BOP1: variants seen among roughly 807,000 people sequenced by gnomAD.
BOP1 encodes the protein BOP1 ribosomal biogenesis factor, also known as ribosome biogenesis protein BOP1.
BOP1 carries 54 observed loss-of-function variants against 82.9 expected under a neutral mutation model. The ratio of observed to expected loss-of-function variants is 0.65; its 90% CI spans 0.52 to 0.82. The LOEUF (loss-of-function observed/expected upper bound fraction) is 0.82, where lower values mean the gene tolerates loss of function less well. Ranked by LOEUF, BOP1 falls within the 40% of genes least tolerant of loss-of-function variation. The probability of loss-of-function intolerance (pLI) is 0.00; values close to 1 mark genes in which losing one functional copy is unlikely to be tolerated. For missense variants in BOP1, 1,170 were observed against 1,072.0 expected (o/e 1.09, Z -1.28); for synonymous variants, 566 against 451.1 (o/e 1.25, Z -3.23).
intron 3 of BOP1, 129 bp from the exon 4 acceptor site, chr8:144,265,200 T>C: frequency 2.7e-6 from 3 of 1,092,946 alleles, no homozygotes; most frequent in Non-Finnish European, 4.0e-6. Context: ...CTGAGGTCAC[T>C]GGCCCTGACC....
At chr8:144,269,462 CCCT>C (rs1252291301) in intron 3 of BOP1, among the ~76,000 whole-genome samples, 2 of 152,220 alleles carry the variant, frequency 1.3e-5, no homozygotes, top group Non-Finnish European at 2.9e-5. Context: ...CCAGGACTGC[CCCT>C]CCTCTGCAAA....
chr8:144,267,930 C>T (rs1845416766), intron 3 of BOP1, among the ~76,000 whole-genome samples: 2 of 152,338 alleles, frequency 1.3e-5, no homozygotes, highest in African/African-American at 2.4e-5. Flanking sequence ...TTTACAATTT[C>T]GGCTGTGCAG....
Position 144,269,343 on chromosome 8 carries a change from G to A in BOP1, c.391-4272C>T, listed in dbSNP as rs1271266190. Among the ~76,000 whole-genome samples the A allele has an allele frequency of 1.1e-4, 17 of 152,354 alleles. 1 individual carries two copies. In the South Asian group the frequency reaches 1.9e-3, roughly 17 times the overall value. On this transcript the variant is annotated intron_variant, in intron 3 of 15. Transcript: ENST00000569669. Reference sequence around the variant, plus strand: ...GACAATGGCTGATGGTGCCAGGTGCGGGCGTCAGGGCGGCGGCCGGCCCCA... The same window carrying A: ...GACAATGGCTGATGGTGCCAGGTGCAGGCGTCAGGGCGGCGGCCGGCCCCA...
chr8:144,277,789 AGGGCAGGGGCGGTGC>A (rs1416170378), intron 2 of BOP1, among the ~76,000 whole-genome samples: 2,978 of 57,114 alleles, frequency 0.052, 88 homozygotes, highest in African/African-American at 0.087. Flanking sequence ...CAGCGCCCGA[AGGGCAGGGGCGGTGC>A]GGGCAGGGGC....
intron 3 of BOP1, chr8:144,267,054 C>T (rs1845387773): frequency 6.7e-7 from 1 of 1,484,418 alleles, no homozygotes; most frequent in South Asian, 1.3e-5. Context: ...ACTCCGGGCC[C>T]GCCTTCTTCC....
At chr8:144,271,679 C>T (rs1845495559) in intron 3 of BOP1, among the ~76,000 whole-genome samples, 1 of 151,938 alleles carries the variant, frequency 6.6e-6, no homozygotes, top group Non-Finnish European at 1.5e-5. Flanking sequence ...GGCCCTGGCG[C>T]CGGGGCCAGA....
intron 3 of BOP1, chr8:144,266,519 C>A (rs1467979585): frequency 1.0e-6 from 1 of 989,566 alleles, no homozygotes. Context: ...CGAGACCCCG[C>A]GCCTCGCCCC....
chr8:144,272,675 C>T (rs932717186), intron 3 of BOP1, among the ~76,000 whole-genome samples: 18 of 152,170 alleles, frequency 1.2e-4, no homozygotes, highest in Non-Finnish European at 2.2e-4. Flanking sequence ...CAGGAGGACG[C>T]GGCTCTGAAG....
At chr8:144,268,224 G>A in intron 3 of BOP1, 1 of 1,538,714 alleles carries the variant, frequency 6.5e-7, no homozygotes, top group East Asian at 2.4e-5. Flanking sequence ...CCCCACCTTG[G>A]ACCTGAGCTG....
At chr8:144,266,424 T>C in intron 3 of BOP1, 1 of 830,934 alleles carries the variant, frequency 1.2e-6, no homozygotes, top group Non-Finnish European at 1.4e-6. Flanking sequence ...GGGACGCCGC[T>C]ATAAAGGCGC....
rs1163815972 is a variant in BOP1, at chr8:144,262,178, G to A, written c.2227C>T (p.Arg743Cys). The A allele has an allele frequency of 5.5e-5, 88 of 1,612,292 alleles. No homozygotes were observed. Among genetic ancestry groups the A allele is most frequent in the African/African-American group, 6.7e-5 (5 of 74,858 alleles). The change falls in exon 16 of 16, where the codon CGC becomes TGC. Residue 743 changes from arginine to cysteine, a missense_variant. Coordinates refer to ENST00000569669, the MANE Select transcript of BOP1 (RefSeq NM_015201.5). ...AGGCAGAACAGCTAGGTGAAGAGGC[G>A]GACAGTCCCGTCTGCCCCCGAGGAG... ...VFSSGADGTV[R>C]LFT
At chr8:144,268,116 G>C in intron 3 of BOP1, 1 of 1,551,460 alleles carries the variant, frequency 6.4e-7, no homozygotes, top group Non-Finnish European at 8.7e-7. Context: ...CAAGGACCGC[G>C]ACAGAAAGAC....
chr8:144,278,467 C>G (rs1233395695), intron 2 of BOP1, among the ~76,000 whole-genome samples: 10 of 152,242 alleles, frequency 6.6e-5, no homozygotes, highest in Admixed American at 6.5e-4. Flanking sequence ...CCAGGCCGTG[C>G]CCCACTGCCA....
chr8:144,275,665 C>T (rs1588598951), intron 3 of BOP1, among the ~76,000 whole-genome samples: 1 of 152,144 alleles, frequency 6.6e-6, no homozygotes, highest in East Asian at 1.9e-4. Flanking sequence ...GCAACGGCCC[C>T]AGCCCACATC....
At chr8:144,269,871 T>G (rs1282149826) in intron 3 of BOP1, among the ~76,000 whole-genome samples, 3 of 151,870 alleles carry the variant, frequency 2.0e-5, no homozygotes, top group Admixed American at 6.5e-5. Flanking sequence ...AGGAGCAGGG[T>G]GGACCCAGGA....
intron 2 of BOP1, among the ~76,000 whole-genome samples, chr8:144,276,542 C>T (rs1243575225): frequency 2.0e-5 from 3 of 152,298 alleles, no homozygotes; most frequent in East Asian, 3.9e-4. Flanking sequence ...TGCAGCCTCC[C>T]GGGGCCTCTG....
intron 2 of BOP1, 22 bp from the exon 3 acceptor site, chr8:144,276,326 G>A: frequency 6.2e-7 from 1 of 1,610,956 alleles, no homozygotes; most frequent in East Asian, 2.2e-5. Context: ...GAGAGAAAAT[G>A]GTCACTTCAG....
chr8:144,291,220 C>A lies in BOP1; in HGVS notation c.99+52G>T. The A allele has an allele frequency of 7.3e-7, 1 of 1,361,130 alleles. No homozygotes were observed. Among genetic ancestry groups the A allele is most frequent in the South Asian group, 1.6e-5 (1 of 63,262 alleles). 84.3% of individuals were successfully genotyped at this position (1,361,130 alleles called of 1,614,324 possible). On this transcript the variant is annotated intron_variant, in intron 1 of 15. Coordinates refer to ENST00000569669, the MANE Select transcript of BOP1 (RefSeq NM_015201.5). The surrounding 1 kb of genome is among the most constrained non-coding windows in gnomAD (Gnocchi z 4.1). ...CCACCCGCCCCAGCGCGGCCACGTG[C>A]CCGCCGGGCCCTCTAGGGACGCGCC...
intron 2 of BOP1, among the ~76,000 whole-genome samples, chr8:144,278,305 C>G (rs999339802): frequency 6.6e-6 from 1 of 152,176 alleles, no homozygotes. Context: ...CTGAACCCTG[C>G]GTGGCCTCTG....
Sources: allele counts gnomAD v4.1 joint callset (sites outside exome capture counted in the v4.1 genomes callset), GRCh38; gene constraint gnomAD v4.1.1; non-coding constraint Gnocchi (gnomAD v3.1); transcripts MANE v1.5; gene names NCBI Gene and HGNC (gene_info 2026-07-23, HGNC 2026-07-21).